The following PLCH2 variants were observed in gnomAD, a reference collection of about 807,000 sequenced individuals.
The protein encoded by PLCH2 is phospholipase C eta 2, also known as 1-phosphatidylinositol 4,5-bisphosphate phosphodiesterase eta-2.
PLCH2 carries 98 observed loss-of-function variants against 134.7 expected under a neutral mutation model. That is an observed-to-expected ratio of 0.73 (90% CI 0.62 to 0.86). The LOEUF (loss-of-function observed/expected upper bound fraction) is 0.86, where lower values mean the gene tolerates loss of function less well. Ranked by LOEUF, PLCH2 falls within the 40% of genes least tolerant of loss-of-function variation. PLCH2 has a pLI of 0.00. For synonymous variants in PLCH2, 974 were observed against 827.5 expected, an observed-to-expected ratio of 1.18 and a Z score of -3.04; for missense variants, 1,994 against 1,986.6, an observed-to-expected ratio of 1.00 and a Z score of -0.07.
At chr1:2,427,894 A>G (rs1320455934) in intron 1 of PLCH2, among the ~76,000 whole-genome samples, 1 of 151,778 alleles carries the variant, frequency 6.6e-6, no homozygotes, top group African/African-American at 2.4e-5. Flanking sequence ...TGTGGGTGAG[A>G]GCAGTGGGCG....
chr1:2,486,120 G>A (rs755923907), intron 5 of PLCH2, among the ~76,000 whole-genome samples: 2 of 152,202 alleles, frequency 1.3e-5, no homozygotes, highest in African/African-American at 4.8e-5. Flanking sequence ...TAGGTCCTCT[G>A]TCCCAGTAAA....
chr1:2,496,474 C>T (rs942675285), intron 13 of PLCH2, 133 bp from the exon 14 acceptor site: 14 of 745,404 alleles, frequency 1.9e-5, no homozygotes, highest in South Asian at 8.6e-5. Flanking sequence ...CCCAGTCTGG[C>T]GTCCGTCTCT....
At chr1:2,485,224 G>T (rs1298719551) in intron 5 of PLCH2, among the ~76,000 whole-genome samples, 1 of 8,430 alleles carries the variant, frequency 1.2e-4, no homozygotes, top group Non-Finnish European at 2.2e-4. Context: ...AAGGCCAAGT[G>T]CTGCCCCACT....
Position 2,486,244 on chromosome 1 carries a change from C to A in PLCH2, c.817-663C>A, listed in dbSNP as rs148338698. ...CCTCTGTGCACTCAGGAGCCAGAGT[C>A]CTCCAGCCGGCAACTGGTGCCCTTT... is the stretch of plus-strand genomic sequence containing the variant. On this transcript the variant is annotated intron_variant, in intron 5 of 21. Coordinates refer to ENST00000378486, the MANE Select transcript of PLCH2 (RefSeq NM_014638.4). 5.9e-4 allele frequency among the ~76,000 whole-genome samples: 90 copies of A among 152,336 alleles called. No homozygotes were observed. In the East Asian group the frequency reaches 0.011, roughly 19 times the overall value.
chr1:2,493,185 G>A (rs540756112), intron 11 of PLCH2: 1 of 152,404 alleles, frequency 6.6e-6, no homozygotes, highest in Admixed American at 6.5e-5. Context: ...GGTGACAACG[G>A]GTCTGGCCGT....
At chr1:2,454,417 G>T (rs1363570860) in intron 2 of PLCH2, among the ~76,000 whole-genome samples, 1 of 152,204 alleles carries the variant, frequency 6.6e-6, no homozygotes, top group African/African-American at 2.4e-5. Context: ...GCAGGAGGCG[G>T]CACCACGTGA....
chr1:2,459,877 G>C (rs1250458302), intron 2 of PLCH2, among the ~76,000 whole-genome samples: 2 of 152,280 alleles, frequency 1.3e-5, no homozygotes, highest in African/African-American at 2.4e-5. Flanking sequence ...TTTCTGCTCA[G>C]CGCCTCATGG....
intron 4 of PLCH2, 45 bp from the exon 5 acceptor site, chr1:2,484,403 G>A (rs2100672354): frequency 9.4e-6 from 15 of 1,601,952 alleles, no homozygotes; most frequent in Non-Finnish European, 1.1e-5. Flanking sequence ...GTGCATGCAG[G>A]CCCTGGTCGA....
At chr1:2,502,721 C>T (rs968843929) in intron 21 of PLCH2, 1 of 714,570 alleles carries the variant, frequency 1.4e-6, no homozygotes, top group Non-Finnish European at 2.6e-6. Flanking sequence ...GGCCTGGAGG[C>T]AGGGTCCAGG....
rs140673551 is a variant in PLCH2, at chr1:2,431,258, G to A, written c.115+629G>A. On this transcript the variant is annotated intron_variant, in intron 2 of 3. Coordinates refer to the PLCH2 transcript ENST00000609981. ...AGAACCATGGCAGTGGTGAGCGTGT[G>A]TGCGTGTGTGCGTGTGTCTGCCTGC... Among the ~76,000 whole-genome samples the A allele has an allele frequency of 1.3e-5, 2 of 152,172 alleles. 1 individual carries two copies. Among genetic ancestry groups the A allele is most frequent in the East Asian group, 3.9e-4 (2 of 5,182 alleles).
chr1:2,501,754 G>A, intron 20 of PLCH2: 1 of 246,722 alleles, frequency 4.1e-6, no homozygotes, highest in Non-Finnish European at 7.7e-6. Context: ...TGCAGGCTGT[G>A]GTGGGCCAGG....
chr1:2,484,412 G>A (rs767078717), intron 4 of PLCH2, 36 bp from the exon 5 acceptor site: 15 of 1,608,612 alleles, frequency 9.3e-6, no homozygotes, highest in South Asian at 2.2e-5. Context: ...GGCCCTGGTC[G>A]AGGTGCCAAT....
At chr1:2,436,402 T>TCCTTCCTCCCTCCTC (rs1639385616) in intron 2 of PLCH2, among the ~76,000 whole-genome samples, 1 of 34,652 alleles carries the variant, frequency 2.9e-5, no homozygotes, top group Non-Finnish European at 6.8e-5. Context: ...CCACCTTTCC[T>TCCTTCCTCCCTCCTC]CCTTCCTCCC....
intron 2 of PLCH2, among the ~76,000 whole-genome samples, chr1:2,445,908 T>A (rs1441162965): frequency 6.6e-6 from 1 of 152,222 alleles, no homozygotes; most frequent in East Asian, 1.9e-4. Flanking sequence ...CTGCGCCTAA[T>A]AGGACCGCTT....
rs943501597 is a variant in PLCH2, at chr1:2,439,551, A to G, written c.115+8922A>G. On this transcript the variant is annotated intron_variant, in intron 2 of 3. Coordinates refer to the PLCH2 transcript ENST00000609981. The surrounding 1 kb of genome is among the most constrained non-coding windows in gnomAD (Gnocchi z 4.7). The stretch of plus-strand genomic sequence containing the variant: ...TTTAGCTGCTGAGGATTGCACGTTT[A>G]CCCGATTAAGCCCATTGATTGAGTT... Among the ~76,000 whole-genome samples the G allele has an allele frequency of 6.6e-6, 1 of 152,232 alleles. No individual in the cohort carries two copies. Among genetic ancestry groups the G allele is most frequent in the Non-Finnish European group, 1.5e-5 (1 of 68,040 alleles).
chr1:2,417,743 C>T, the PLCH2 span, among the ~76,000 whole-genome samples: 1 of 152,328 alleles, frequency 6.6e-6, no homozygotes, highest in South Asian at 2.1e-4. Context: ...CCCACACAGC[C>T]TCCCCTAAGG....
chr1:2,491,260 G>C lies in PLCH2; in HGVS notation c.1584G>C (p.Ser528=), dbSNP rs992197877. The change falls in exon 11 of 22, where the codon TCG becomes TCC. Residue 528 remains serine, a synonymous_variant. Coordinates refer to ENST00000378486, the MANE Select transcript of PLCH2 (RefSeq NM_014638.4). ...AACTGGATTCCCTCATCAAAGAGTC[G>C]AAGATTCGGGACTGTGAGGACCCCA... ...KRKLDSLIKE[S]KIRDCEDPNN... is the part of the protein sequence containing the mutation. 6.2e-7 allele frequency: 1 copy of C among 1,613,308 alleles called. No homozygotes were observed. Among genetic ancestry groups the C allele is most frequent in the Non-Finnish European group, 8.5e-7 (1 of 1,179,830 alleles).
intron 2 of PLCH2, among the ~76,000 whole-genome samples, chr1:2,454,702 G>C (rs1486625503): frequency 6.6e-6 from 1 of 152,194 alleles, no homozygotes; most frequent in African/African-American, 2.4e-5. Flanking sequence ...CCCAGGGTCT[G>C]GGATAAACCG....
chr1:2,486,105 G>T (rs1203201435), intron 5 of PLCH2, among the ~76,000 whole-genome samples: 2 of 152,200 alleles, frequency 1.3e-5, no homozygotes, highest in Non-Finnish European at 2.9e-5. Flanking sequence ...CCTGGCTGCA[G>T]ATAGTAGGTC....
Sources: allele counts gnomAD v4.1 joint callset (sites outside exome capture counted in the v4.1 genomes callset), GRCh38; gene constraint gnomAD v4.1.1; non-coding constraint Gnocchi (gnomAD v3.1); transcripts MANE v1.5; gene names NCBI Gene and HGNC (gene_info 2026-07-23, HGNC 2026-07-21).